SELENOF: variants seen among roughly 807,000 people sequenced by gnomAD.
SELENOF encodes the protein 15 kDa selenoprotein.
Under a neutral mutation model 20.5 loss-of-function variants are expected in SELENOF, and 16 were observed. The observed-to-expected ratio is 0.78, with a 90% CI of 0.53 to 1.19. SELENOF has a LOEUF of 1.19. Ranked by LOEUF, SELENOF falls within the 50% of genes most tolerant of loss-of-function variation. The pLI is 0.00. For synonymous variants in SELENOF, 78 were observed against 74.5 expected (o/e 1.05, Z -0.24); for missense variants, 215 against 194.2 (o/e 1.11, Z -0.64).
At chr1:86,886,165 T>C (rs1040379787) in intron 2 of SELENOF, among the ~76,000 whole-genome samples, 6 of 152,148 alleles carry the variant, frequency 3.9e-5, no homozygotes, top group East Asian at 1.9e-4. Flanking sequence ...TGGAAATATT[T>C]TGAACATTAC....
In SELENOF at chr1:86,903,435, C is replaced by T; in HGVS notation, c.98G>A (p.Gly33Glu). ...GCATGCCTCCGATGAAAACTCTGCCCCAAAAGCAGACACCTGAAAATAAAA... is the reference window on the plus strand; with the variant it reads ...GCATGCCTCCGATGAAAACTCTGCCTCAAAAGCAGACACCTGAAAATAAAA... The part of the protein sequence containing the change: ...ATVLQAVSAF[G>E]AEFSSEACRE... Residue 33 changes from glycine (G) to glutamate (E), a missense_variant, in exon 2 of 5, where the codon GGG becomes GAG. Coordinates refer to ENST00000331835, the MANE Select transcript of SELENOF (RefSeq NM_004261.5). 1.2e-6 allele frequency: 2 copies of T among 1,601,232 alleles called. No homozygotes were observed. Among genetic ancestry groups the T allele is most frequent in the Non-Finnish European group, 1.7e-6 (2 of 1,174,932 alleles).
At chr1:86,891,277 G>A (rs1003705473) in intron 2 of SELENOF, among the ~76,000 whole-genome samples, 1 of 151,762 alleles carries the variant, frequency 6.6e-6, no homozygotes, top group Non-Finnish European at 1.5e-5. Context: ...TCAAACTCCC[G>A]ACCTCAGGTG....
At chr1:86,894,312 ATTTG>A (rs1360912626) in intron 2 of SELENOF, among the ~76,000 whole-genome samples, 1 of 151,930 alleles carries the variant, frequency 6.6e-6, no homozygotes, top group Non-Finnish European at 1.5e-5. Context: ...AATAATTGCG[ATTTG>A]TTTGATAGCT....
At chr1:86,884,058 C>G (rs1659146472) in intron 2 of SELENOF, among the ~76,000 whole-genome samples, 1 of 152,116 alleles carries the variant, frequency 6.6e-6, no homozygotes, top group African/African-American at 2.4e-5. Context: ...CATCAAATAG[C>G]CTGTAACTTG....
chr1:86,892,319 A>T (rs144617377), intron 2 of SELENOF, among the ~76,000 whole-genome samples: 1 of 152,212 alleles, frequency 6.6e-6, no homozygotes, highest in South Asian at 2.1e-4. Flanking sequence ...AACATTATTC[A>T]TATGTTTTAA....
intron 2 of SELENOF, among the ~76,000 whole-genome samples, chr1:86,901,760 A>G (rs913585055): frequency 6.6e-6 from 1 of 152,242 alleles, no homozygotes; most frequent in Admixed American, 6.5e-5. Context: ...TACTAAAATT[A>G]TACCAAAAAA....
intron 3 of SELENOF, among the ~76,000 whole-genome samples, chr1:86,868,831 A>T (rs1016473493): frequency 1.3e-5 from 2 of 152,150 alleles, no homozygotes; most frequent in African/African-American, 4.8e-5. Context: ...GTAAAAATGG[A>T]AACATCAGGA....
intron 1 of SELENOF, among the ~76,000 whole-genome samples, chr1:86,905,805 T>C (rs1659813425): frequency 6.6e-6 from 1 of 152,212 alleles, no homozygotes; most frequent in Admixed American, 6.5e-5. Flanking sequence ...TTTGTGGCCA[T>C]ATGGTTTCTG....
chr1:86,886,777 T>C (rs1443015524), intron 2 of SELENOF, among the ~76,000 whole-genome samples: 2 of 152,152 alleles, frequency 1.3e-5, no homozygotes, highest in Non-Finnish European at 2.9e-5. Context: ...CTGTATTTTA[T>C]AGGTCTATTG....
chr1:86,883,379 C>A (rs890812401), intron 2 of SELENOF, among the ~76,000 whole-genome samples: 14 of 151,886 alleles, frequency 9.2e-5, no homozygotes, highest in Non-Finnish European at 1.8e-4. Flanking sequence ...TACAACAATG[C>A]GAATGTACTT....
At chr1:86,893,417 C>A (rs1169126001) in intron 2 of SELENOF, among the ~76,000 whole-genome samples, 1 of 149,202 alleles carries the variant, frequency 6.7e-6, no homozygotes, top group Non-Finnish European at 1.5e-5. Flanking sequence ...ACCATCCTGG[C>A]CAACATGGTG....
chr1:86,911,212 T>C (rs1479479264), intron 1 of SELENOF, among the ~76,000 whole-genome samples: 1 of 152,190 alleles, frequency 6.6e-6, no homozygotes, highest in African/African-American at 2.4e-5. Flanking sequence ...CGAAGCTTTG[T>C]TGGAGGAAGT....
At chr1:86,897,488 A>C (rs1659555209) in intron 2 of SELENOF, among the ~76,000 whole-genome samples, 1 of 152,188 alleles carries the variant, frequency 6.6e-6, no homozygotes, top group Non-Finnish European at 1.5e-5. Flanking sequence ...AAGCTGAGCT[A>C]AATCTTCTAA....
At chr1:86,889,970 C>T (rs943747614) in intron 2 of SELENOF, among the ~76,000 whole-genome samples, 2 of 152,218 alleles carry the variant, frequency 1.3e-5, no homozygotes, top group African/African-American at 4.8e-5. Flanking sequence ...GCCTTATCAA[C>T]TATTGTTCAC....
chr1:86,871,654 T>C (rs74454142), intron 3 of SELENOF, among the ~76,000 whole-genome samples: 7,851 of 152,252 alleles, frequency 0.052, 697 homozygotes, highest in African/African-American at 0.18. Flanking sequence ...TCTATTTTAT[T>C]ACTAAACCTA....
Position 86,871,156 on chromosome 1 carries a change from T to C in SELENOF, c.317-3054A>G, listed in dbSNP as rs1466898922. Among the ~76,000 whole-genome samples the C allele has an allele frequency of 5.3e-5, 8 of 152,294 alleles. No homozygotes were observed. In the East Asian group the frequency reaches 9.7e-4, roughly 18 times the overall value. ...TATTTGAGTACTCATTATATACACA[T>C]GGCATTCGATAAGCTACATGAGAAT... is the stretch of plus-strand genomic sequence containing the variant. On this transcript the variant is annotated intron_variant, in intron 3 of 4. Transcript: ENST00000331835.
chr1:86,871,446 T>C (rs1358726143), intron 3 of SELENOF, among the ~76,000 whole-genome samples: 1 of 152,216 alleles, frequency 6.6e-6, no homozygotes, highest in Non-Finnish European at 1.5e-5. Flanking sequence ...AAGAATTTTC[T>C]CTTACTACTT....
intron 2 of SELENOF, among the ~76,000 whole-genome samples, chr1:86,891,939 T>C (rs1378505562): frequency 1.3e-5 from 2 of 152,010 alleles, no homozygotes; most frequent in Non-Finnish European, 1.5e-5. Context: ...TTAGTTTTTT[T>C]TTTTTTCTAG....
intron 2 of SELENOF, among the ~76,000 whole-genome samples, chr1:86,900,555 C>G (rs1048927198): frequency 6.6e-6 from 1 of 151,918 alleles, no homozygotes; most frequent in African/African-American, 2.4e-5. Context: ...CCAGCTTCGG[C>G]TCGGCATCAG....
Sources: gnomAD v4.1 joint callset for allele counts (sites outside exome capture counted in the v4.1 genomes callset) on GRCh38, gnomAD v4.1.1 for gene constraint, MANE v1.5 for transcripts, NCBI Gene and HGNC (gene_info 2026-07-23, HGNC 2026-07-21) for gene names.